Variants in CASP2 observed in about 807,000 individuals in gnomAD.
CASP2 encodes caspase-2.
Under a neutral mutation model 54.4 loss-of-function variants are expected in CASP2, and 38 were observed. The observed-to-expected ratio is 0.70, with a 90% CI of 0.54 to 0.92. The LOEUF is 0.92. Ranked by LOEUF, CASP2 falls within the 40% of genes least tolerant of loss-of-function variation. The probability of loss-of-function intolerance (pLI) is 0.00; values close to 1 mark genes in which losing one functional copy is unlikely to be tolerated. For missense variants in CASP2, 512 were observed against 579.6 expected, an observed-to-expected ratio of 0.88 and a Z score of 1.20; for synonymous variants, 215 against 216.3, an observed-to-expected ratio of 0.99 and a Z score of 0.05.
intron 6 of CASP2, 60 bp from the exon 7 acceptor site, chr7:143,299,863 C>A: frequency 6.2e-7 from 1 of 1,607,114 alleles, no homozygotes; most frequent in Non-Finnish European, 8.5e-7. Flanking sequence ...AGAAACCAAA[C>A]TTTGATGCTT....
At chr7:143,291,713 A>G (rs753133193) in intron 2 of CASP2, 23 bp downstream of exon 2, 6 of 1,605,282 alleles carry the variant, frequency 3.7e-6, no homozygotes, top group Non-Finnish European at 8.5e-7. Context: ...AAAAGAGAGA[A>G]GATAAATTGA....
At chr7:143,298,038 C>T (rs1042856816) in intron 6 of CASP2, among the ~76,000 whole-genome samples, 5 of 152,108 alleles carry the variant, frequency 3.3e-5, no homozygotes, top group East Asian at 3.9e-4. Context: ...AGAAGTATTC[C>T]GAACAGATCA....
In CASP2 at chr7:143,291,575, A is replaced by G. The variant is rs866689910; in HGVS notation, c.110A>G (p.Gln37Arg). The G allele has an allele frequency of 6.2e-7, 1 of 1,614,042 alleles. No homozygotes were observed. The highest frequency in any genetic ancestry group is 8.5e-7 in the Non-Finnish European group (1 of 1,179,990). The change falls in exon 2 of 11, where the codon CAG becomes CGG. Residue 37 changes from glutamine to arginine, a missense_variant. Transcript: ENST00000310447. Reference sequence around the variant, plus strand: ...GTGTGTGGCATGCATCCTCATCATCAGGAAACTCTAAAAAAGAACCGAGTG... The same window carrying G: ...GTGTGTGGCATGCATCCTCATCATCGGGAAACTCTAAAAAAGAACCGAGTG... ...LGVCGMHPHH[Q>R]ETLKKNRVVL...
chr7:143,291,780 C>CTT (rs777186983), intron 2 of CASP2, 90 bp downstream of exon 2: 20,348 of 416,926 alleles, frequency 0.049, 211 homozygotes, highest in Non-Finnish European at 0.054. Context: ...ATCTTTCTTC[C>CTT]TTTTTTTTTT....
chr7:143,292,778 A>G, intron 4 of CASP2, 80 bp downstream of exon 4: 5 of 1,141,356 alleles, frequency 4.4e-6, no homozygotes, highest in Non-Finnish European at 6.6e-6. Flanking sequence ...TGCGGGGCCA[A>G]GGCGGGTGGA....
rs377317586 is a variant in CASP2 at position 143,294,223 on chromosome 7, A to G, written c.476-7A>G. ...ACTAGTTTTTTGGTTTTCTGTCTAT[A>G]CCACAGATACTGTGGAACACTCCCT... On this transcript the variant is annotated splice_polypyrimidine_tract_variant and splice_region_variant and intron_variant, in intron 4 of 10. Transcript: ENST00000310447. 2.4e-5 allele frequency: 37 copies of G among 1,558,034 alleles called. No individual in the cohort carries two copies. In the African/African-American group the frequency reaches 4.1e-4, roughly 17 times the overall value.
chr7:143,299,859 C>T, intron 6 of CASP2, 64 bp from the exon 7 acceptor site: 1 of 1,603,684 alleles, frequency 6.2e-7, no homozygotes, highest in Non-Finnish European at 8.5e-7. Flanking sequence ...AAAAAGAAAC[C>T]AAACTTTGAT....
chr7:143,299,609 A>G (rs1030057193), intron 6 of CASP2, among the ~76,000 whole-genome samples: 11 of 152,232 alleles, frequency 7.2e-5, no homozygotes. Flanking sequence ...CTGGTTATGA[A>G]CAGGGAATTA....
At chr7:143,303,651 C>A in intron 8 of CASP2, 133 bp from the exon 9 acceptor site, 2 of 698,072 alleles carry the variant, frequency 2.9e-6, no homozygotes, top group South Asian at 1.6e-5. Flanking sequence ...GTTTATCAGC[C>A]ATAGGTTGGA....
chr7:143,292,980 C>T (rs1254119556), intron 4 of CASP2, among the ~76,000 whole-genome samples: 1 of 152,116 alleles, frequency 6.6e-6, no homozygotes, highest in Non-Finnish European at 1.5e-5. Context: ...CACCGCACTC[C>T]AGCCTTGCCA....
At chr7:143,300,968 C>T in intron 8 of CASP2, 12 of 993,726 alleles carry the variant, frequency 1.2e-5, no homozygotes, top group Non-Finnish European at 1.4e-5. Context: ...TAATTAAGAG[C>T]CCTAACTTTG....
chr7:143,288,645 C>A, intron 1 of CASP2, 116 bp downstream of exon 1: 1 of 994,840 alleles, frequency 1.0e-6, no homozygotes, highest in Non-Finnish European at 1.5e-6. Flanking sequence ...CAGCCGTGTC[C>A]GCGCTTCCTG....
intron 1 of CASP2, 143 bp from the exon 2 acceptor site, chr7:143,291,397 C>G: frequency 1.2e-6 from 1 of 821,516 alleles, no homozygotes; most frequent in South Asian, 1.4e-5. Flanking sequence ...TACATCTTTG[C>G]TTTAACCAGA....
intron 2 of CASP2, 126 bp from the exon 3 acceptor site, chr7:143,292,174 C>T (rs1309799664): frequency 1.1e-6 from 1 of 873,642 alleles, no homozygotes; most frequent in Non-Finnish European, 1.9e-6. Context: ...AAGGACTTCA[C>T]CCATACATAC....
At chr7:143,299,830 T>C in intron 6 of CASP2, 93 bp from the exon 7 acceptor site, 1 of 1,421,294 alleles carries the variant, frequency 7.0e-7, no homozygotes, top group Non-Finnish European at 9.9e-7. Context: ...CGTTTTATCT[T>C]CTAATAGCTT....
chr7:143,294,798 A>G (rs771690096), intron 6 of CASP2, 25 bp downstream of exon 6: 1 of 1,600,716 alleles, frequency 6.2e-7, no homozygotes, highest in Non-Finnish European at 8.6e-7. Context: ...AAAAATTGAC[A>G]TGTAAATTAG....
intron 6 of CASP2, among the ~76,000 whole-genome samples, chr7:143,297,350 G>A (rs189045210): frequency 7.2e-5 from 11 of 152,230 alleles, no homozygotes; most frequent in East Asian, 3.9e-4. Flanking sequence ...TACAAAGTGC[G>A]TGTATTCTTT....
chr7:143,305,659 TGGAAGG>T lies in CASP2; in HGVS notation c.*589_*594del. ...CCTTCAGTACTGCAGCGCCACCCAG[TGGAAGG>T]ACACTCTTGGCTCGTTTGGGCTCAA... On this transcript the variant is annotated 3_prime_UTR_variant, in exon 11 of 11. Transcript: ENST00000310447. 2.4e-5 allele frequency: 4 copies of T among 168,166 alleles called. No homozygotes were observed. The highest frequency in any genetic ancestry group is 5.5e-5 in the Admixed American group (1 of 18,234). 10.4% of individuals were successfully genotyped at this position (168,166 alleles called of 1,614,324 possible). A position where few individuals can be genotyped will look rare whatever the true frequency, so the allele number is the denominator to read the frequency against.
Position 143,294,720 on chromosome 7 carries a change from C to G in CASP2, c.694C>G (p.Leu232Val), listed in dbSNP as rs1322577470. 9 of 1,614,074 alleles carry G rather than the reference C, an allele frequency of 5.6e-6. No homozygotes were observed. Among genetic ancestry groups the G allele is most frequent in the African/African-American group, 1.3e-5 (1 of 74,924 alleles). Reference sequence around the variant, plus strand: ...TGTGGACCACAGTACTCTAGTCACCCTCTTCAAGCTTTTGGGCTATGACGT... The same window carrying G: ...TGTGGACCACAGTACTCTAGTCACCGTCTTCAAGCTTTTGGGCTATGACGT... ...GDVDHSTLVT[L>V]FKLLGYDVHV... The change falls in exon 6 of 11, where the codon CTC becomes GTC. Residue 232 changes from leucine (L) to valine (V), a missense_variant. By Grantham distance (32) the Leu-to-Val change is conservative (BLOSUM62 1). This residue lies in a region of CASP2 where 417 missense variants were observed against 495.4 expected (regional missense o/e 0.84). Coordinates refer to ENST00000310447, the MANE Select transcript of CASP2 (RefSeq NM_032982.4).
Sources: allele counts gnomAD v4.1 joint callset (sites outside exome capture counted in the v4.1 genomes callset), GRCh38; gene constraint gnomAD v4.1.1; regional missense constraint gnomAD v4.1.1; transcripts MANE v1.5; gene names NCBI Gene and HGNC (gene_info 2026-07-23, HGNC 2026-07-21).